Variants in PLAC8L1 observed in about 807,000 individuals in gnomAD.
The protein encoded by PLAC8L1 is PLAC8 like 1.
A neutral mutation model predicts 16.3 loss-of-function variants in PLAC8L1; 13 were observed. The observed-to-expected ratio is 0.80, with a 90% CI of 0.52 to 1.27. The LOEUF (loss-of-function observed/expected upper bound fraction) is 1.27, where lower values mean the gene tolerates loss of function less well. Ranked by LOEUF, PLAC8L1 falls within the 50% of genes most tolerant of loss-of-function variation. The probability of loss-of-function intolerance (pLI) is 0.00; values close to 1 mark genes in which losing one functional copy is unlikely to be tolerated. For synonymous variants in PLAC8L1, 78 were observed against 79.3 expected (o/e 0.98, Z 0.09); for missense variants, 184 against 220.2 (o/e 0.84, Z 1.04).
chr5:146,104,169 G>A (rs779169498), intron 1 of PLAC8L1, 24 bp downstream of exon 1: 2 of 1,610,704 alleles, frequency 1.2e-6, no homozygotes, highest in Admixed American at 3.4e-5. Flanking sequence ...AAAAGCTAGG[G>A]GAAAAACTCA....
At position 146,085,639 on chromosome 5, in the gene PLAC8L1, C is replaced by A. The variant is rs769208343; in HGVS notation, c.257-42G>T. The stretch of plus-strand genomic sequence containing the variant: ...CCAAAAAGCCAAGGTTCTCAGATTT[C>A]TTGGAGCAACTTCACATCTCAAAGA... On this transcript the variant is annotated intron_variant, in intron 2 of 3. Transcript: ENST00000311450. 4 of 1,578,882 alleles carry A rather than the reference C, an allele frequency of 2.5e-6. No homozygotes were observed. In the South Asian group the frequency reaches 4.6e-5, roughly 18 times the overall value.
chr5:146,098,450 C>T (rs965333359), intron 1 of PLAC8L1, among the ~76,000 whole-genome samples, 158 bp from the exon 2 acceptor site: 1 of 152,336 alleles, frequency 6.6e-6, no homozygotes, highest in East Asian at 1.9e-4. Flanking sequence ...TCCTCCCCCT[C>T]CATCATACCT....
In PLAC8L1 at chr5:146,102,040, CTTT is replaced by C. The variant is rs36011275; in HGVS notation, c.119+2150_119+2152del. On this transcript the variant is annotated intron_variant, in intron 1 of 3. Coordinates refer to ENST00000311450, the MANE Select transcript of PLAC8L1 (RefSeq NM_001029869.3). ...AAAATGTTTTTTTTCTGTGTTTACC[CTTT>C]TTTTTTTTTTTTTGTCTTTTGTCTT... Among the ~76,000 whole-genome samples, 24 of 130,484 alleles carry C rather than the reference CTTT, an allele frequency of 1.8e-4. No homozygotes were observed. The East Asian group carries it at 5.0e-3, about 27-fold the overall frequency. The allele number at this position is 130,484 out of a possible 152,430, so 85.6% of individuals were successfully genotyped here.
chr5:146,103,704 T>C, intron 1 of PLAC8L1: 1 of 985,346 alleles, frequency 1.0e-6, no homozygotes, highest in African/African-American at 1.7e-5. Context: ...CTTTTTGACC[T>C]CACTCCATTC....
rs1763470724 is a variant in PLAC8L1, at chr5:146,084,418, G to T, written c.*14C>A. Reference sequence around the variant, plus strand: ...GAGGGTGTTGGGGAGTAAGGAGGAGGAGTTATCTTGCTGTCAAACCAGGGT... The same window carrying T: ...GAGGGTGTTGGGGAGTAAGGAGGAGTAGTTATCTTGCTGTCAAACCAGGGT... On this transcript the variant is annotated 3_prime_UTR_variant, in exon 4 of 4. Transcript: ENST00000311450. 6.2e-7 allele frequency: 1 copy of T among 1,613,236 alleles called. No homozygotes were observed. Among genetic ancestry groups the T allele is most frequent in the Admixed American group, 1.7e-5 (1 of 59,954 alleles).
At chr5:146,100,794 C>T (rs946732213) in intron 1 of PLAC8L1, among the ~76,000 whole-genome samples, 9 of 152,078 alleles carry the variant, frequency 5.9e-5, no homozygotes, top group African/African-American at 1.7e-4. Flanking sequence ...TCCCCCAAAA[C>T]GCATATATGT....
intron 1 of PLAC8L1, among the ~76,000 whole-genome samples, chr5:146,099,948 GCAC>G (rs1763786810): frequency 2.0e-5 from 3 of 152,120 alleles, no homozygotes; most frequent in Non-Finnish European, 4.4e-5. Flanking sequence ...AAAGATGATA[GCAC>G]ATTAGCTTGT....
At chr5:146,087,915 TAC>T (rs1471754231) in intron 2 of PLAC8L1, among the ~76,000 whole-genome samples, 1 of 152,112 alleles carries the variant, frequency 6.6e-6, no homozygotes, top group African/African-American at 2.4e-5. Context: ...GCGGAGGTGC[TAC>T]ACACTTTTAA....
At chr5:146,095,959 A>G (rs1469024515) in intron 2 of PLAC8L1, among the ~76,000 whole-genome samples, 4 of 152,222 alleles carry the variant, frequency 2.6e-5, no homozygotes, top group African/African-American at 9.6e-5. Flanking sequence ...ATGAAATTCA[A>G]TGTTGGCTTA....
At position 146,085,518 on chromosome 5, in the gene PLAC8L1, C is replaced by T. The variant is rs746314144; in HGVS notation, c.336G>A (p.Leu112=). 6.2e-7 allele frequency: 1 copy of T among 1,614,164 alleles called. No individual in the cohort carries two copies. The highest frequency in any genetic ancestry group is 1.1e-5 in the South Asian group (1 of 91,078). ...TCAGTGCAAAGGTGGACCCAGGTAACAACGGCCAACAAAGACACTCTCCAT... is the reference window on the plus strand; with the variant it reads ...TCAGTGCAAAGGTGGACCCAGGTAATAACGGCCAACAAAGACACTCTCCAT... ...RHYGECLCWP[L]LPGSTFALRI... Residue 112 remains leucine (L), a synonymous_variant, in exon 3 of 4, where the codon TTG becomes TTA. Transcript: ENST00000311450.
At position 146,098,248 on chromosome 5, in the gene PLAC8L1, C is replaced by T. The variant is rs369159577; in HGVS notation, c.164G>A (p.Gly55Glu). Residue 55 changes from glycine to glutamate, a missense_variant, in exon 2 of 4, where the codon GGA becomes GAA. Gly to Glu is a moderately conservative substitution (Grantham distance 98). Coordinates refer to ENST00000311450, the MANE Select transcript of PLAC8L1 (RefSeq NM_001029869.3). Reference protein sequence around the residue: ...ASAVVKQPVRGASGRTTITAI... With the variant: ...ASAVVKQPVREASGRTTITAI... ...TGTGATTGTCGTCCTGCCACTGGCTCCCCGAACAGGCTGCTTCACCACAGC... is the reference window on the plus strand; with the variant it reads ...TGTGATTGTCGTCCTGCCACTGGCTTCCCGAACAGGCTGCTTCACCACAGC... 93 of 1,614,004 alleles carry T rather than the reference C, an allele frequency of 5.8e-5. No homozygotes were observed. Among genetic ancestry groups the T allele is most frequent in the Non-Finnish European group, 7.8e-5 (92 of 1,180,004 alleles).
chr5:146,096,750 T>C (rs1460815407), intron 2 of PLAC8L1, among the ~76,000 whole-genome samples: 2 of 152,224 alleles, frequency 1.3e-5, no homozygotes, highest in African/African-American at 4.8e-5. Flanking sequence ...TGCACATTTG[T>C]GCATGGCTAC....
chr5:146,105,014 T>C lies in PLAC8L1; in HGVS notation c.-703A>G, dbSNP rs1018580134. On this transcript the variant is annotated 5_prime_UTR_variant, in exon 1 of 4. Coordinates refer to ENST00000311450, the MANE Select transcript of PLAC8L1 (RefSeq NM_001029869.3). ...AAGCAAGGCTTGCCTGGTGATGTCC[T>C]CACAACAGCTCTGAATCCTCAAGGT... 2.0e-5 allele frequency among the ~76,000 whole-genome samples: 3 copies of C among 152,180 alleles called. No individual in the cohort carries two copies. The highest frequency in any genetic ancestry group is 4.4e-5 in the Non-Finnish European group (3 of 68,030).
intron 2 of PLAC8L1, among the ~76,000 whole-genome samples, chr5:146,095,236 A>T (rs1763690852): frequency 6.6e-6 from 1 of 152,216 alleles, no homozygotes; most frequent in African/African-American, 2.4e-5. Flanking sequence ...GATCACCTTG[A>T]ACCCTATCCA....
At chr5:146,098,430 T>C in intron 1 of PLAC8L1, 138 bp from the exon 2 acceptor site, 2 of 668,304 alleles carry the variant, frequency 3.0e-6, no homozygotes, top group Non-Finnish European at 4.6e-6. Context: ...GACTTTGCCA[T>C]CTCCCTCCCT....
intron 1 of PLAC8L1, among the ~76,000 whole-genome samples, chr5:146,098,940 G>C (rs1386483075): frequency 6.6e-6 from 1 of 152,190 alleles, no homozygotes; most frequent in Non-Finnish European, 1.5e-5. Flanking sequence ...GATTGACCTA[G>C]TGGTGCCACA....
chr5:146,099,952 A>G (rs1017702358), intron 1 of PLAC8L1, among the ~76,000 whole-genome samples: 3 of 152,204 alleles, frequency 2.0e-5, no homozygotes, highest in Non-Finnish European at 4.4e-5. Flanking sequence ...ATGATAGCAC[A>G]TTAGCTTGTT....
intron 1 of PLAC8L1, among the ~76,000 whole-genome samples, 153 bp from the exon 2 acceptor site, chr5:146,098,445 C>A (rs560475786): frequency 6.6e-6 from 1 of 152,166 alleles, no homozygotes; most frequent in South Asian, 2.1e-4. Flanking sequence ...CTCCCTCCTC[C>A]CCCTCCATCA....
At chr5:146,103,219 G>C (rs911184774) in intron 1 of PLAC8L1, among the ~76,000 whole-genome samples, 5 of 152,148 alleles carry the variant, frequency 3.3e-5, no homozygotes, top group African/African-American at 4.8e-5. Context: ...GAGTGCAGTA[G>C]TGTGATCTTG....
Sources: allele counts gnomAD v4.1 joint callset (sites outside exome capture counted in the v4.1 genomes callset), GRCh38; gene constraint gnomAD v4.1.1; transcripts MANE v1.5; gene names NCBI Gene and HGNC (gene_info 2026-07-23, HGNC 2026-07-21).